Variants in TXNRD1 observed in about 807,000 individuals in gnomAD.
TXNRD1 encodes thioredoxin reductase 1, cytoplasmic.
Under a neutral mutation model 80.3 loss-of-function variants are expected in TXNRD1, and 57 were observed. The observed-to-expected ratio is 0.71, with a 90% CI of 0.57 to 0.89. The LOEUF (loss-of-function observed/expected upper bound fraction) is 0.89. Among genes scored for constraint, TXNRD1 ranks in the 40% least tolerant of loss-of-function variants. The pLI is 0.00. For missense variants in TXNRD1, 730 were observed against 803.0 expected, an observed-to-expected ratio of 0.91 and a Z score of 1.10; for synonymous variants, 291 against 285.2, an observed-to-expected ratio of 1.02 and a Z score of -0.20.
intron 3 of TXNRD1, among the ~76,000 whole-genome samples, chr12:104,272,646 G>T (rs1433574092): frequency 1.3e-5 from 2 of 151,996 alleles, no homozygotes; most frequent in Non-Finnish European, 2.9e-5. Flanking sequence ...AAAAAAATTA[G>T]CTGGGCGTGG....
intron 14 of TXNRD1, among the ~76,000 whole-genome samples, chr12:104,333,649 A>T (rs980147830): frequency 8.5e-5 from 13 of 152,176 alleles, no homozygotes; most frequent in Non-Finnish European, 1.5e-5. Context: ...AGGAAAAAAA[A>T]AATCCATTTA....
chr12:104,348,452 C>T lies in TXNRD1; in HGVS notation c.*31C>T. ...AGTGTGGATGCTGTTGCCAAGACTG[C>T]AAACCACTGGCTCGTTTCCGTGCCC... On this transcript the variant is annotated 3_prime_UTR_variant, in exon 17 of 17. Coordinates refer to ENST00000525566, the MANE Select transcript of TXNRD1 (RefSeq NM_001093771.3). 1 of 1,609,150 alleles carries T rather than the reference C, an allele frequency of 6.2e-7. No homozygotes were observed. Among genetic ancestry groups the T allele is most frequent in the Non-Finnish European group, 8.5e-7 (1 of 1,175,950 alleles).
At chr12:104,319,154 C>G (rs1393647772) in intron 8 of TXNRD1, 99 bp downstream of exon 8, 9 of 1,333,506 alleles carry the variant, frequency 6.7e-6, no homozygotes, top group Non-Finnish European at 9.1e-6. Context: ...AAAGTAATAG[C>G]CACTGTGACC....
intron 8 of TXNRD1, 63 bp downstream of exon 8, chr12:104,319,118 T>C (rs1200371599): frequency 2.0e-6 from 3 of 1,526,886 alleles, no homozygotes; most frequent in East Asian, 4.5e-5. Context: ...AAAGCTTTGG[T>C]TAGAAAATGT....
At chr12:104,265,721 G>T in intron 3 of TXNRD1, 4 of 1,599,196 alleles carry the variant, frequency 2.5e-6, no homozygotes, top group Non-Finnish European at 3.4e-6. Flanking sequence ...AGCAAGTGCC[G>T]CCGGCCGGCT....
intron 1 of TXNRD1, 31 bp downstream of exon 1, chr12:104,215,924 G>C: frequency 6.5e-7 from 1 of 1,531,890 alleles, no homozygotes. Context: ...CTGGTCCCCA[G>C]GTCGACGGGC....
intron 6 of TXNRD1, among the ~76,000 whole-genome samples, 158 bp from the exon 7 acceptor site, chr12:104,315,619 T>C (rs778787022): frequency 6.6e-6 from 1 of 152,218 alleles, no homozygotes; most frequent in Non-Finnish European, 1.5e-5. Context: ...TCTGAACTTA[T>C]GGATGTTGTA....
intron 7 of TXNRD1, among the ~76,000 whole-genome samples, chr12:104,317,693 G>A (rs1031181823): frequency 2.0e-5 from 3 of 152,128 alleles, no homozygotes; most frequent in African/African-American, 7.2e-5. Flanking sequence ...ATAATTAGTC[G>A]GGCCTGGAAG....
intron 16 of TXNRD1, chr12:104,346,182 T>C (rs1054803347): frequency 3.3e-6 from 1 of 306,350 alleles, no homozygotes; most frequent in South Asian, 3.0e-5. Flanking sequence ...CCAGCTAATA[T>C]ATATATATAT....
rs759099922 is a variant in TXNRD1, at chr12:104,304,142, C to T, written c.415-7148C>T. On this transcript the variant is annotated intron_variant, in intron 4 of 16. Coordinates refer to ENST00000525566, the MANE Select transcript of TXNRD1 (RefSeq NM_001093771.3). ...GGCGAACAACTCCTTAACCGAGGCT[C>T]TGGAGGAAGCCAACGTCCTCTTTGA... The T allele has an allele frequency of 2.7e-5, 43 of 1,613,980 alleles. No individual in the cohort carries two copies. The South Asian group carries it at 4.2e-4, about 16-fold the overall frequency.
At chr12:104,248,431 C>T (rs911504173) in intron 1 of TXNRD1, among the ~76,000 whole-genome samples, 9 of 152,196 alleles carry the variant, frequency 5.9e-5, no homozygotes, top group Non-Finnish European at 1.2e-4. Flanking sequence ...ATTACAGGCG[C>T]GTGCCACAAC....
rs540314745 is a variant in TXNRD1, at chr12:104,349,951, G to A, written c.*1530G>A. The A allele has an allele frequency of 3.9e-5, 6 of 152,580 alleles. No individual in the cohort carries two copies. Among genetic ancestry groups the A allele is most frequent in the African/African-American group, 1.2e-4 (5 of 41,562 alleles). 9.5% of individuals were successfully genotyped at this position (152,580 alleles called of 1,614,324 possible). A position where few individuals can be genotyped will look rare whatever the true frequency, so the allele number is the denominator to read the frequency against. On this transcript the variant is annotated 3_prime_UTR_variant, in exon 17 of 17. Coordinates refer to ENST00000525566, the MANE Select transcript of TXNRD1 (RefSeq NM_001093771.3). ...TTGGCTGTGTAAAGAAATGGGAAAA[G>A]GGAAAAGGAGAGAGCAATTGAGGCA...
chr12:104,304,637 T>A, intron 4 of TXNRD1: 1 of 1,613,940 alleles, frequency 6.2e-7, no homozygotes, highest in Middle Eastern at 1.6e-4. Flanking sequence ...CTTTCGAAAG[T>A]ATCCTGATAC....
At position 104,265,266 on chromosome 12, in the gene TXNRD1, A is replaced by C. The variant is rs992516124; in HGVS notation, c.304+7187A>C. 8.9e-5 allele frequency: 136 copies of C among 1,526,854 alleles called. No individual in the cohort carries two copies. The African/African-American group carries it at 1.6e-3, about 18-fold the overall frequency. The allele number at this position is 1,526,854 out of a possible 1,614,324, so 94.6% of individuals were successfully genotyped here. On this transcript the variant is annotated intron_variant, in intron 3 of 16. Transcript: ENST00000525566. ...ACTCCGTCTTAAAAAAAAAAAAAAA[A>C]AAACTTCCTTTTGCGGGTGGCGGCG...
chr12:104,317,365 CTTTTTTTT>C (rs68031758), intron 7 of TXNRD1, among the ~76,000 whole-genome samples: 32 of 116,304 alleles, frequency 2.8e-4, no homozygotes, highest in Admixed American at 9.1e-4. Flanking sequence ...TCTGCAGTTA[CTTTTTTTT>C]TTTTTTTTTT....
chr12:104,317,524 A>G (rs1365578424), intron 7 of TXNRD1, among the ~76,000 whole-genome samples: 1 of 152,166 alleles, frequency 6.6e-6, no homozygotes, highest in Non-Finnish European at 1.5e-5. Flanking sequence ...GAGGCTGGCC[A>G]GTAAGTGTTA....
At chr12:104,236,260 G>A (rs2032734944) in intron 1 of TXNRD1, among the ~76,000 whole-genome samples, 1 of 152,134 alleles carries the variant, frequency 6.6e-6, no homozygotes, top group Admixed American at 6.5e-5. Context: ...GAATTGTTTG[G>A]GTCAGATCTC....
At chr12:104,270,721 T>G (rs1487875476) in intron 3 of TXNRD1, among the ~76,000 whole-genome samples, 2 of 152,180 alleles carry the variant, frequency 1.3e-5, no homozygotes, top group African/African-American at 4.8e-5. Context: ...GACTAAATAC[T>G]GGCCTAATGT....
chr12:104,303,031 G>C (rs539843100), intron 4 of TXNRD1, among the ~76,000 whole-genome samples: 81 of 152,268 alleles, frequency 5.3e-4, no homozygotes, highest in African/African-American at 1.9e-3. Context: ...GTGGCCTTTA[G>C]CTGTTGGCAA....
Sources: gnomAD v4.1 joint callset for allele counts (sites outside exome capture counted in the v4.1 genomes callset) on GRCh38, gnomAD v4.1.1 for gene constraint, MANE v1.5 for transcripts, NCBI Gene and HGNC (gene_info 2026-07-23, HGNC 2026-07-21) for gene names.